TLL1: variants seen among roughly 807,000 people sequenced by gnomAD.
The protein encoded by TLL1 is tolloid-like protein 1.
In TLL1, 49 loss-of-function variants were observed where a neutral mutation model predicts 128.2. That is an observed-to-expected ratio of 0.38 (90% CI 0.30 to 0.48). The LOEUF (loss-of-function observed/expected upper bound fraction) is 0.48, where lower values mean the gene tolerates loss of function less well. Ranked by LOEUF, TLL1 falls within the 20% of genes least tolerant of loss-of-function variation. The probability of loss-of-function intolerance (pLI) is 0.96; values close to 1 mark genes in which losing one functional copy is unlikely to be tolerated. For synonymous variants in TLL1, 454 were observed against 418.8 expected (o/e 1.08, Z -1.03); for missense variants, 1,123 against 1,242.0 (o/e 0.90, Z 1.44).
At chr4:165,901,679 T>G (rs904693443) in intron 1 of TLL1, among the ~76,000 whole-genome samples, 1 of 152,160 alleles carries the variant, frequency 6.6e-6, no homozygotes, top group African/African-American at 2.4e-5. Flanking sequence ...AGGTGTCTGT[T>G]GAACCCTGCT....
intron 1 of TLL1, among the ~76,000 whole-genome samples, chr4:165,988,658 G>C (rs2111008392): frequency 6.6e-6 from 1 of 151,934 alleles, no homozygotes; most frequent in East Asian, 1.9e-4. Flanking sequence ...AATAATAATA[G>C]AGTCAGAGTG....
Position 166,043,406 on chromosome 4 carries a change from T to C in TLL1, c.1511T>C (p.Phe504Ser). The change falls in exon 12 of 21, where the codon TTT (phenylalanine) becomes TCT (serine). Residue 504 changes from phenylalanine to serine, a missense_variant. Physicochemically the swap from Phe to Ser is radical, Grantham distance 155 (BLOSUM62 -2). This residue lies in a region of TLL1 where 634 missense variants were observed against 672.4 expected (regional missense o/e 0.94). Transcript: ENST00000061240. ...GAGAGCTACCACGTCGGGCTGACCT[T>C]TCAGTCCTTTGAGGTAAAGTCTTTT... is the stretch of plus-strand genomic sequence containing the variant. ...VSESYHVGLT[F>S]QSFEIERHDN... The C allele has an allele frequency of 6.2e-7, 1 of 1,614,104 alleles. No individual in the cohort carries two copies. Among genetic ancestry groups the C allele is most frequent in the Non-Finnish European group, 8.5e-7 (1 of 1,179,964 alleles).
At chr4:165,989,085 T>C (rs1416927293) in intron 1 of TLL1, among the ~76,000 whole-genome samples, 1 of 152,148 alleles carries the variant, frequency 6.6e-6, no homozygotes, top group African/African-American at 2.4e-5. Context: ...AATTAGCTCA[T>C]GATTGCCTAT....
intron 15 of TLL1, among the ~76,000 whole-genome samples, chr4:166,063,602 C>A (rs1740437074): frequency 2.6e-5 from 4 of 152,092 alleles, no homozygotes; most frequent in Admixed American, 2.6e-4. Flanking sequence ...AAATGTCCAT[C>A]AATGATAGAC....
intron 19 of TLL1, among the ~76,000 whole-genome samples, chr4:166,091,777 T>C (rs1741790115): frequency 6.6e-6 from 1 of 152,088 alleles, no homozygotes; most frequent in Admixed American, 6.6e-5. Context: ...TATAAATAAG[T>C]TTAAGACTGA....
Position 166,088,924 on chromosome 4 carries a change from T to C in TLL1, c.2443-2204T>C, listed in dbSNP as rs116575558. 5.5e-3 allele frequency among the ~76,000 whole-genome samples: 834 copies of C among 152,248 alleles called. 8 individuals are homozygous for C. The highest frequency in any genetic ancestry group is 0.019 in the African/African-American group (807 of 41,560). On this transcript the variant is annotated intron_variant, in intron 18 of 20. Transcript: ENST00000061240. ...CCTATTTATCTCATTCATTCAGTCT[T>C]CAATGGACCAATCAACGGACTGAAC...
At chr4:165,954,781 G>A (rs1282266193) in intron 1 of TLL1, among the ~76,000 whole-genome samples, 1 of 151,996 alleles carries the variant, frequency 6.6e-6, no homozygotes. Flanking sequence ...GAGAAATAAG[G>A]AATATAGAAA....
chr4:166,094,561 C>G (rs1034973324), intron 19 of TLL1, among the ~76,000 whole-genome samples: 3 of 152,158 alleles, frequency 2.0e-5, no homozygotes, highest in Admixed American at 1.3e-4. Context: ...TTAAGCCTGC[C>G]CTGTCATTTC....
chr4:165,992,903 T>C lies in TLL1; in HGVS notation c.361+19T>C, dbSNP rs1560796490. 6.3e-7 allele frequency: 1 copy of C among 1,585,466 alleles called. No homozygotes were observed. Among genetic ancestry groups the C allele is most frequent in the Non-Finnish European group, 8.7e-7 (1 of 1,154,294 alleles). ...GGCTTTGGTATATCAATGTTTAAAG[T>C]TGCAGACGCTTGACTTGATGTACAG... On this transcript the variant is annotated intron_variant, in intron 3 of 20. Transcript: ENST00000061240.
At chr4:166,098,101 A>AG (rs1259278499) in intron 19 of TLL1, among the ~76,000 whole-genome samples, 1 of 152,076 alleles carries the variant, frequency 6.6e-6, no homozygotes, top group Non-Finnish European at 1.5e-5. Context: ...TGGGAGGCTA[A>AG]GGCAGGTGGA....
At position 165,992,858 on chromosome 4, in the gene TLL1, T is replaced by C. The variant is rs76013943; in HGVS notation, c.335T>C (p.Ile112Thr). 3.7e-6 allele frequency: 6 copies of C among 1,613,336 alleles called. No individual in the cohort carries two copies. The highest frequency in any genetic ancestry group is 1.3e-5 in the African/African-American group (1 of 75,014). The change falls in exon 3 of 21, where the codon ATA (isoleucine) becomes ACA (threonine). Residue 112 changes from isoleucine (I) to threonine (T), a missense_variant. Ile to Thr is a moderately conservative substitution (Grantham distance 89). Coordinates refer to ENST00000061240, the MANE Select transcript of TLL1 (RefSeq NM_012464.5). Reference sequence around the variant, plus strand: ...AAGCGAGGGGCCCTCTACCAACTTATAGACAGGATAAGAAGAATTGGCTTT... The same window carrying C: ...AAGCGAGGGGCCCTCTACCAACTTACAGACAGGATAAGAAGAATTGGCTTT... ...SKKRGALYQLIDRIRRIGFGL... is the reference protein window; with the variant it reads ...SKKRGALYQLTDRIRRIGFGL...
At chr4:165,901,308 G>T (rs187964710) in intron 1 of TLL1, among the ~76,000 whole-genome samples, 1 of 152,108 alleles carries the variant, frequency 6.6e-6, no homozygotes, top group Non-Finnish European at 1.5e-5. Flanking sequence ...TCCTTTGGAG[G>T]AGGAGAAGAG....
At chr4:166,027,054 A>C (rs1326642441) in intron 9 of TLL1, among the ~76,000 whole-genome samples, 1 of 152,224 alleles carries the variant, frequency 6.6e-6, no homozygotes, top group African/African-American at 2.4e-5. Context: ...AATATTATGC[A>C]GCCGTAAAAA....
At chr4:166,081,717 T>C (rs1471759466) in intron 18 of TLL1, among the ~76,000 whole-genome samples, 3 of 151,998 alleles carry the variant, frequency 2.0e-5, no homozygotes, top group Non-Finnish European at 2.9e-5. Flanking sequence ...TTTCCATACA[T>C]TGATGTGTTC....
chr4:165,884,389 G>A (rs1044874122), intron 1 of TLL1, among the ~76,000 whole-genome samples: 1 of 152,116 alleles, frequency 6.6e-6, no homozygotes, highest in African/African-American at 2.4e-5. Context: ...ATAATGCTTT[G>A]TGGGGAGCAC....
intron 1 of TLL1, among the ~76,000 whole-genome samples, chr4:165,921,229 TC>T (rs1733026865): frequency 6.6e-6 from 1 of 152,216 alleles, no homozygotes; most frequent in Non-Finnish European, 1.5e-5. Flanking sequence ...AATTTGTTAT[TC>T]TTTTGGATGC....
chr4:165,989,724 T>C (rs1736551587), intron 2 of TLL1, among the ~76,000 whole-genome samples: 3 of 151,640 alleles, frequency 2.0e-5, no homozygotes, highest in East Asian at 3.9e-4. Context: ...CTGGTTTAAG[T>C]GCTTTGCAGG....
chr4:165,998,426 G>A (rs771698619), intron 5 of TLL1, among the ~76,000 whole-genome samples: 2 of 151,980 alleles, frequency 1.3e-5, no homozygotes, highest in African/African-American at 2.4e-5. Flanking sequence ...CAGTTAACCT[G>A]TTTCACTAAT....
chr4:165,989,311 T>C, intron 1 of TLL1, 70 bp from the exon 2 acceptor site: 1 of 1,154,458 alleles, frequency 8.7e-7, no homozygotes, highest in Non-Finnish European at 1.3e-6. Context: ...ACAATGCTTT[T>C]CTAATTAGCT....
Sources: gnomAD v4.1 joint callset for allele counts (sites outside exome capture counted in the v4.1 genomes callset) on GRCh38, gnomAD v4.1.1 for gene constraint, gnomAD v4.1.1 regional missense constraint, MANE v1.5 for transcripts, NCBI Gene and HGNC (gene_info 2026-07-23, HGNC 2026-07-21) for gene names.